Variants in OPCML observed in about 807,000 individuals in gnomAD.
OPCML encodes the protein opioid-binding protein/cell adhesion molecule.
In OPCML, 13 loss-of-function variants were observed where a neutral mutation model predicts 37.8. The ratio of observed to expected loss-of-function variants is 0.34; its 90% confidence interval spans 0.22 to 0.55. OPCML has a LOEUF of 0.55. Among genes scored for constraint, OPCML ranks in the 20% least tolerant of loss-of-function variants. The pLI, the probability that OPCML is intolerant of heterozygous loss-of-function variation, is 0.91. For missense variants in OPCML, 341 were observed against 435.6 expected, an observed-to-expected ratio of 0.78 and a Z score of 1.93; for synonymous variants, 176 against 168.8, an observed-to-expected ratio of 1.04 and a Z score of -0.33.
intron 1 of OPCML, among the ~76,000 whole-genome samples, chr11:133,341,810 C>T (rs954532799): frequency 1.3e-5 from 2 of 151,946 alleles, no homozygotes; most frequent in Admixed American, 1.3e-4. Context: ...CCCAGCTACT[C>T]GGGAGGCTGA....
rs557287236 is a variant in OPCML at position 133,274,924 on chromosome 11, C to T, written c.61+257340G>A. 3.8e-3 allele frequency among the ~76,000 whole-genome samples: 572 copies of T among 152,220 alleles called. 3 individuals carry two copies. Among genetic ancestry groups the T allele is most frequent in the Middle Eastern group, 0.01 (3 of 294 alleles). The stretch of plus-strand genomic sequence containing the variant: ...GCCGTTTCTCAGGAATCCCGGGTGT[C>T]GTTTATATTAATTTGCCTTTGGGAC... On this transcript the variant is annotated intron_variant, in intron 1 of 7. Coordinates refer to ENST00000524381, the MANE Select transcript of OPCML (RefSeq NM_001012393.5).
chr11:133,060,081 T>C (rs954029442), intron 1 of OPCML, among the ~76,000 whole-genome samples: 2 of 152,198 alleles, frequency 1.3e-5, no homozygotes, highest in Admixed American at 1.3e-4. Context: ...CGTTCCTTTC[T>C]CTGGATCTCA....
chr11:132,939,538 C>T (rs1053293276), intron 2 of OPCML, among the ~76,000 whole-genome samples: 2 of 152,174 alleles, frequency 1.3e-5, no homozygotes, highest in Non-Finnish European at 2.9e-5. Context: ...GAACTTTTCC[C>T]GTTGAGTGGA....
At chr11:132,946,375 G>A (rs1945745371) in intron 1 of OPCML, among the ~76,000 whole-genome samples, 1 of 152,112 alleles carries the variant, frequency 6.6e-6, no homozygotes, top group Non-Finnish European at 1.5e-5. Flanking sequence ...ATAAAAACTA[G>A]TAACATAGTC....
At chr11:132,955,068 A>C (rs1254747823) in intron 1 of OPCML, among the ~76,000 whole-genome samples, 1 of 152,162 alleles carries the variant, frequency 6.6e-6, no homozygotes, top group East Asian at 1.9e-4. Context: ...GGCAGTGGTG[A>C]GCTGAGGAAT....
intron 1 of OPCML, among the ~76,000 whole-genome samples, chr11:133,340,955 G>C (rs1943856069): frequency 6.6e-6 from 1 of 152,090 alleles, no homozygotes; most frequent in Non-Finnish European, 1.5e-5. Flanking sequence ...GTGTTAAAAA[G>C]ATGCGACCCT....
At chr11:132,884,462 G>A (rs953613681) in intron 2 of OPCML, among the ~76,000 whole-genome samples, 1 of 152,200 alleles carries the variant, frequency 6.6e-6, no homozygotes, top group African/African-American at 2.4e-5. Flanking sequence ...ACAAATACCA[G>A]GGGTCAGAAA....
chr11:132,739,045 A>C (rs987953002), intron 2 of OPCML, among the ~76,000 whole-genome samples: 6 of 152,150 alleles, frequency 3.9e-5, no homozygotes, highest in African/African-American at 1.2e-4. Flanking sequence ...ACCCTTAATA[A>C]CCCGAGATAA....
intron 1 of OPCML, among the ~76,000 whole-genome samples, chr11:133,095,277 G>GTTTTT (rs60154725): frequency 6.8e-5 from 3 of 44,202 alleles, no homozygotes; most frequent in African/African-American, 9.2e-5. Flanking sequence ...TAATGTAAAT[G>GTTTTT]TTTTTTTTTT....
chr11:132,960,902 C>G (rs781462103), intron 1 of OPCML, among the ~76,000 whole-genome samples: 8 of 152,154 alleles, frequency 5.3e-5, no homozygotes, highest in Non-Finnish European at 1.2e-4. Context: ...AACCTTGTAA[C>G]TGGGGTGAGG....
intron 3 of OPCML, among the ~76,000 whole-genome samples, chr11:132,549,700 C>T (rs2096377137): frequency 6.6e-6 from 1 of 152,218 alleles, no homozygotes; most frequent in Non-Finnish European, 1.5e-5. Context: ...TTTGATCAGC[C>T]AAGTGTACTG....
At chr11:132,609,984 T>TCA (rs138543073) in intron 3 of OPCML, among the ~76,000 whole-genome samples, 7 of 151,882 alleles carry the variant, frequency 4.6e-5, no homozygotes, top group Non-Finnish European at 8.8e-5. Flanking sequence ...CTAATAACCA[T>TCA]CACACACACA....
At chr11:133,472,929 G>A (rs752589808) in intron 1 of OPCML, among the ~76,000 whole-genome samples, 12 of 151,874 alleles carry the variant, frequency 7.9e-5, no homozygotes, top group African/African-American at 1.7e-4. Flanking sequence ...GTGATCCAGC[G>A]CCCAACCCCA....
chr11:132,897,140 C>T (rs1943880853), intron 2 of OPCML, among the ~76,000 whole-genome samples: 1 of 152,170 alleles, frequency 6.6e-6, no homozygotes, highest in South Asian at 2.1e-4. Context: ...CCAATGATAT[C>T]CAAGATGTCA....
rs991301144 is a variant in OPCML, at chr11:133,082,258, C to T, written c.62-139248G>A. Among the ~76,000 whole-genome samples the T allele has an allele frequency of 5.3e-5, 8 of 151,806 alleles. No homozygotes were observed. In the East Asian group the frequency reaches 1.4e-3, roughly 26 times the overall value. Reference sequence around the variant, plus strand: ...CCACTCCGGGAGCCCCTGGAAGCCACCAGCTCCCGCGCTGGAGTCTTGGGG... The same window carrying T: ...CCACTCCGGGAGCCCCTGGAAGCCATCAGCTCCCGCGCTGGAGTCTTGGGG... On this transcript the variant is annotated intron_variant, in intron 1 of 7. Transcript: ENST00000524381.
intron 2 of OPCML, among the ~76,000 whole-genome samples, chr11:132,785,984 G>A (rs1386592576): frequency 2.0e-5 from 3 of 152,126 alleles, no homozygotes; most frequent in Admixed American, 6.5e-5. Flanking sequence ...TGGGTTTTGC[G>A]GGCAGCCTGC....
chr11:132,992,349 A>G (rs192646885), intron 1 of OPCML, among the ~76,000 whole-genome samples: 19 of 152,212 alleles, frequency 1.2e-4, no homozygotes, highest in African/African-American at 4.1e-4. Context: ...AAATAAATAT[A>G]TATACTTATT....
At chr11:133,202,393 G>A (rs1469864728) in intron 1 of OPCML, among the ~76,000 whole-genome samples, 2 of 152,142 alleles carry the variant, frequency 1.3e-5, no homozygotes, top group East Asian at 3.9e-4. Context: ...CAAGGAACTG[G>A]ACTCATGGCT....
intron 1 of OPCML, among the ~76,000 whole-genome samples, chr11:132,948,286 G>A (rs1477910450): frequency 6.6e-6 from 1 of 152,244 alleles, no homozygotes; most frequent in Non-Finnish European, 1.5e-5. Context: ...GGAGGCAGAA[G>A]GAGTGAGAGG....
Sources: allele counts gnomAD v4.1 joint callset (sites outside exome capture counted in the v4.1 genomes callset), GRCh38; gene constraint gnomAD v4.1.1; transcripts MANE v1.5; gene names NCBI Gene and HGNC (gene_info 2026-07-23, HGNC 2026-07-21).